The following MEI4 variants were observed in gnomAD, a reference collection of about 807,000 sequenced individuals.
MEI4 encodes the protein meiosis-specific protein MEI4.
Under a neutral mutation model 31.4 loss-of-function variants are expected in MEI4, and 27 were observed. The observed-to-expected ratio is 0.86, with a 90% CI of 0.63 to 1.19. The LOEUF is 1.19. Ranked by LOEUF, MEI4 falls within the 50% of genes most tolerant of loss-of-function variation. MEI4 has a pLI of 0.00. For synonymous variants in MEI4, 122 were observed against 145.4 expected (o/e 0.84, Z 1.16); for missense variants, 329 against 398.9 (o/e 0.82, Z 1.49).
chr6:77,760,464 T>G (rs761400366), intron 2 of MEI4, among the ~76,000 whole-genome samples: 2 of 152,178 alleles, frequency 1.3e-5, no homozygotes, highest in Non-Finnish European at 2.9e-5. Flanking sequence ...TCTTTTATGA[T>G]CTGGCCTCTA....
chr6:77,694,395 A>G (rs890219118), intron 2 of MEI4, among the ~76,000 whole-genome samples: 1 of 151,670 alleles, frequency 6.6e-6, no homozygotes, highest in Non-Finnish European at 1.5e-5. Flanking sequence ...TATATCTCCT[A>G]ATGCTATCCC....
chr6:77,791,486 T>C (rs1211414001), intron 3 of MEI4, among the ~76,000 whole-genome samples: 1 of 132,078 alleles, frequency 7.6e-6, no homozygotes, highest in Non-Finnish European at 1.5e-5. Context: ...AACAATGAGA[T>C]CACATGGACA....
chr6:77,858,616 T>C (rs978829740), intron 4 of MEI4, among the ~76,000 whole-genome samples: 3 of 152,122 alleles, frequency 2.0e-5, no homozygotes, highest in Non-Finnish European at 2.9e-5. Context: ...AAATTTAAGG[T>C]GGCCTTTCAA....
chr6:77,728,137 G>C (rs1410207449), intron 2 of MEI4, among the ~76,000 whole-genome samples: 1 of 80,054 alleles, frequency 1.2e-5, no homozygotes, highest in Non-Finnish European at 3.4e-5. Context: ...ATTCAATTTA[G>C]ATAGATGTTT....
intron 1 of MEI4, among the ~76,000 whole-genome samples, chr6:77,656,858 T>A (rs552350998): frequency 1.6e-4 from 25 of 152,324 alleles, no homozygotes; most frequent in Middle Eastern, 3.4e-3. Context: ...TACTAGATAG[T>A]ATTTAAACCA....
intron 2 of MEI4, among the ~76,000 whole-genome samples, chr6:77,753,953 G>A (rs1767848183): frequency 6.6e-6 from 1 of 152,106 alleles, no homozygotes; most frequent in Non-Finnish European, 1.5e-5. Flanking sequence ...CCTTTGCAGG[G>A]ACATGGATGA....
At chr6:77,691,989 G>A (rs540090918) in intron 2 of MEI4, among the ~76,000 whole-genome samples, 34 of 151,956 alleles carry the variant, frequency 2.2e-4, no homozygotes, top group South Asian at 4.2e-4. Flanking sequence ...ATTAGGCTTC[G>A]CATTAGATTC....
At chr6:77,795,360 T>A (rs900311591) in intron 3 of MEI4, among the ~76,000 whole-genome samples, 3 of 152,166 alleles carry the variant, frequency 2.0e-5, no homozygotes, top group African/African-American at 7.2e-5. Flanking sequence ...GCTTTCCCTC[T>A]GTTAGAGGCA....
chr6:77,899,310 GGAA>G (rs1384788831), intron 4 of MEI4, among the ~76,000 whole-genome samples: 1 of 151,938 alleles, frequency 6.6e-6, no homozygotes, highest in East Asian at 1.9e-4. Flanking sequence ...CTGTTGATGA[GGAA>G]GAAGGAGAAA....
intron 1 of MEI4, among the ~76,000 whole-genome samples, chr6:77,684,447 G>A (rs1769015210): frequency 6.8e-6 from 1 of 147,096 alleles, no homozygotes; most frequent in Non-Finnish European, 1.5e-5. Context: ...TATTCATTCT[G>A]TCTACTTTTT....
intron 1 of MEI4, among the ~76,000 whole-genome samples, chr6:77,663,317 A>C (rs1768549015): frequency 6.6e-6 from 1 of 152,080 alleles, no homozygotes; most frequent in Non-Finnish European, 1.5e-5. Context: ...GAGTGGGGTA[A>C]GGGTGATTAG....
At chr6:77,905,008 T>C (rs979660775) in intron 4 of MEI4, among the ~76,000 whole-genome samples, 1 of 152,316 alleles carries the variant, frequency 6.6e-6, no homozygotes, top group African/African-American at 2.4e-5. Flanking sequence ...TATACTTTCA[T>C]GTTTTAGGTT....
intron 2 of MEI4, among the ~76,000 whole-genome samples, chr6:77,755,932 A>G (rs1767906421): frequency 6.6e-6 from 1 of 152,110 alleles, no homozygotes; most frequent in South Asian, 2.1e-4. Context: ...GCTTGTCTGC[A>G]CAATAATAAA....
At chr6:77,828,355 G>T (rs975991234) in intron 3 of MEI4, among the ~76,000 whole-genome samples, 1 of 151,746 alleles carries the variant, frequency 6.6e-6, no homozygotes, top group Non-Finnish European at 1.5e-5. Context: ...TTCCCCTCCT[G>T]TCAGATCAGT....
intron 1 of MEI4, among the ~76,000 whole-genome samples, chr6:77,666,882 TGCGTGCGTGC>T (rs1189281951): frequency 7.5e-6 from 1 of 133,896 alleles, no homozygotes; most frequent in Non-Finnish European, 1.6e-5. Flanking sequence ...TGTGTGTGTG[TGCGTGCGTGC>T]GTGCGTGCAT....
At chr6:77,792,801 C>G (rs1344054119) in intron 3 of MEI4, among the ~76,000 whole-genome samples, 1 of 151,880 alleles carries the variant, frequency 6.6e-6, no homozygotes, top group Non-Finnish European at 1.5e-5. Flanking sequence ...CAAGCTCCAA[C>G]TCCTGGGTTC....
intron 1 of MEI4, among the ~76,000 whole-genome samples, chr6:77,682,537 CTAAT>C (rs1768978261): frequency 6.6e-6 from 1 of 152,108 alleles, no homozygotes; most frequent in Non-Finnish European, 1.5e-5. Context: ...TTTTGGTTAA[CTAAT>C]TAAGTTCCCT....
At chr6:77,745,379 T>A (rs1347041111) in intron 2 of MEI4, among the ~76,000 whole-genome samples, 1 of 152,140 alleles carries the variant, frequency 6.6e-6, no homozygotes, top group Non-Finnish European at 1.5e-5. Context: ...AAGAAGGCCA[T>A]TACATAATGG....
chr6:77,743,975 C>A (rs1376989162), intron 2 of MEI4, among the ~76,000 whole-genome samples: 1 of 152,144 alleles, frequency 6.6e-6, no homozygotes, highest in Non-Finnish European at 1.5e-5. Flanking sequence ...CTGTACATCA[C>A]CATCATTAAA....
Sources: allele counts gnomAD v4.1 joint callset (sites outside exome capture counted in the v4.1 genomes callset), GRCh38; gene constraint gnomAD v4.1.1; transcripts MANE v1.5; gene names NCBI Gene and HGNC (gene_info 2026-07-23, HGNC 2026-07-21).